CDH4: variants seen among roughly 807,000 people sequenced by gnomAD.
CDH4 encodes the protein cadherin 4, also known as cadherin-4.
Under a neutral mutation model 86.0 loss-of-function variants are expected in CDH4, and 33 were observed. The ratio of observed to expected loss-of-function variants is 0.38; its 90% confidence interval spans 0.29 to 0.51. CDH4 has a LOEUF of 0.51. CDH4 is among the 20% of genes least tolerant of loss of function. The probability of loss-of-function intolerance (pLI) is 0.86; values close to 1 mark genes in which losing one functional copy is unlikely to be tolerated. For missense variants in CDH4, 1,114 were observed against 1,307.4 expected, an observed-to-expected ratio of 0.85 and a Z score of 2.28; for synonymous variants, 555 against 549.4, an observed-to-expected ratio of 1.01 and a Z score of -0.14.
chr20:61,299,548 T>C (rs1205586421), intron 2 of CDH4, among the ~76,000 whole-genome samples: 1 of 152,240 alleles, frequency 6.6e-6, no homozygotes, highest in African/African-American at 2.4e-5. Context: ...CCTGACTTCT[T>C]AGTAACTCCC....
At chr20:61,570,430 C>T in intron 2 of CDH4, 1 of 506,952 alleles carries the variant, frequency 2.0e-6, no homozygotes, top group Non-Finnish European at 3.5e-6. Flanking sequence ...GCTTCAGCAG[C>T]CCTGGTGCTG....
chr20:61,313,574 C>T (rs1763444677), intron 2 of CDH4, among the ~76,000 whole-genome samples: 3 of 152,194 alleles, frequency 2.0e-5, no homozygotes, highest in Admixed American at 2.0e-4. Context: ...CAGACGGTTG[C>T]TTGCAGCCTG....
chr20:61,417,699 T>A lies in CDH4; in HGVS notation c.169+162762T>A, dbSNP rs2145497953. 6.6e-6 allele frequency among the ~76,000 whole-genome samples: 1 copy of A among 152,300 alleles called. No individual in the cohort carries two copies. The highest frequency in any genetic ancestry group is 1.9e-4 in the East Asian group (1 of 5,174). ...AACATGCATTTCTCCTGACTTGTATTACTCATTTTACGGCTGGAGACAGGT... is the reference window on the plus strand; with the variant it reads ...AACATGCATTTCTCCTGACTTGTATAACTCATTTTACGGCTGGAGACAGGT... On this transcript the variant is annotated intron_variant, in intron 2 of 15. Coordinates refer to ENST00000614565, the MANE Select transcript of CDH4 (RefSeq NM_001794.5). This position sits in a 1 kb window ranked among gnomAD's most constrained non-coding sequence, Gnocchi z 4.0.
intron 2 of CDH4, among the ~76,000 whole-genome samples, chr20:61,515,395 C>T (rs946297023): frequency 6.6e-6 from 1 of 152,244 alleles, no homozygotes; most frequent in Non-Finnish European, 1.5e-5. Context: ...CCTGCAAAGC[C>T]AGTGAGGACC....
At chr20:61,333,254 C>T (rs1425512300) in intron 2 of CDH4, among the ~76,000 whole-genome samples, 1 of 116,206 alleles carries the variant, frequency 8.6e-6, no homozygotes, top group African/African-American at 4.0e-5. Flanking sequence ...GGCACATGCA[C>T]ACACACATGT....
chr20:61,377,323 C>T lies in CDH4; in HGVS notation c.169+122386C>T, dbSNP rs541447266. 2.0e-5 allele frequency among the ~76,000 whole-genome samples: 3 copies of T among 152,138 alleles called. No individual in the cohort carries two copies. Among genetic ancestry groups the T allele is most frequent in the East Asian group, 1.9e-4 (1 of 5,194 alleles). On this transcript the variant is annotated intron_variant, in intron 2 of 15. Coordinates refer to ENST00000614565, the MANE Select transcript of CDH4 (RefSeq NM_001794.5). This position sits in a 1 kb window ranked among gnomAD's most constrained non-coding sequence, Gnocchi z 4.0. ...ACAGCCCGGGACTCCTGGGCCCTGA[C>T]GAATCCAAAGGGTCCCCATTCCATG... is the stretch of plus-strand genomic sequence containing the variant.
At chr20:61,570,689 A>C in intron 2 of CDH4, 1 of 702,388 alleles carries the variant, frequency 1.4e-6, no homozygotes. Context: ...GTTCCAGAGG[A>C]AAGCGATGCC....
chr20:61,273,453 G>A (rs1275044333), intron 2 of CDH4, among the ~76,000 whole-genome samples: 1 of 71,676 alleles, frequency 1.4e-5, no homozygotes, highest in Non-Finnish European at 2.9e-5. Context: ...GTGCAGTTTG[G>A]GGGAGGACCA....
chr20:61,697,289 ACAT>A (rs1209979393), intron 2 of CDH4, among the ~76,000 whole-genome samples: 1 of 152,158 alleles, frequency 6.6e-6, no homozygotes, highest in Non-Finnish European at 1.5e-5. Flanking sequence ...TAGGAAAAGA[ACAT>A]CAGATGGCAC....
At chr20:61,889,502 G>A (rs534410914) in intron 7 of CDH4, among the ~76,000 whole-genome samples, 1 of 150,730 alleles carries the variant, frequency 6.6e-6, no homozygotes, top group East Asian at 2.0e-4. Flanking sequence ...ATGATGGATG[G>A]ATGATGGATG....
At chr20:61,426,455 C>T (rs1390891809) in intron 2 of CDH4, among the ~76,000 whole-genome samples, 1 of 152,138 alleles carries the variant, frequency 6.6e-6, no homozygotes, top group Non-Finnish European at 1.5e-5. Context: ...TAGGGGTGTC[C>T]TGTGTGGAGG....
chr20:61,794,049 A>G (rs1382751069), intron 4 of CDH4, among the ~76,000 whole-genome samples: 5 of 147,698 alleles, frequency 3.4e-5, no homozygotes, highest in Non-Finnish European at 7.5e-5. Flanking sequence ...AGGCTGAGGC[A>G]GGAGAATGGC....
At chr20:61,450,289 G>A (rs1600689381) in intron 2 of CDH4, among the ~76,000 whole-genome samples, 2 of 152,298 alleles carry the variant, frequency 1.3e-5, no homozygotes, top group Admixed American at 1.3e-4. Context: ...TGAGACTAAA[G>A]GGAAATGATG....
At chr20:61,872,311 G>A (rs576795081) in intron 6 of CDH4, among the ~76,000 whole-genome samples, 6 of 152,334 alleles carry the variant, frequency 3.9e-5, no homozygotes, top group African/African-American at 1.4e-4. Context: ...AGGATGCACA[G>A]GGCCCCATGA....
At chr20:61,848,532 A>G (rs542940674) in intron 5 of CDH4, among the ~76,000 whole-genome samples, 1 of 151,418 alleles carries the variant, frequency 6.6e-6, no homozygotes, top group South Asian at 2.1e-4. Context: ...ATTGTATTGT[A>G]TTGTATTTTT....
chr20:61,883,148 C>G (rs1256254252), intron 7 of CDH4, among the ~76,000 whole-genome samples: 5 of 148,822 alleles, frequency 3.4e-5, no homozygotes, highest in South Asian at 2.1e-4. Context: ...CTGCTCCCCC[C>G]GCCTACAGCA....
At chr20:61,429,174 A>G (rs946773306) in intron 2 of CDH4, among the ~76,000 whole-genome samples, 1 of 152,182 alleles carries the variant, frequency 6.6e-6, no homozygotes, top group Non-Finnish European at 1.5e-5. Flanking sequence ...GTGCTCAGTA[A>G]AAATTAAGTC....
chr20:61,544,398 G>A lies in CDH4; in HGVS notation c.170-199165G>A, dbSNP rs2086062241. 2.6e-5 allele frequency among the ~76,000 whole-genome samples: 4 copies of A among 151,962 alleles called. No individual in the cohort carries two copies. The South Asian group carries it at 8.3e-4, about 32-fold the overall frequency. ...CCGACGTAGAAATCCAGCTTGCCCA[G>A]GAGAGAGGGGTGGGACTCCTGGTGT... On this transcript the variant is annotated intron_variant, in intron 2 of 15. Coordinates refer to ENST00000614565, the MANE Select transcript of CDH4 (RefSeq NM_001794.5). This position sits in a 1 kb window ranked among gnomAD's most constrained non-coding sequence, Gnocchi z 6.5.
chr20:61,341,033 C>T (rs911619215), intron 2 of CDH4, among the ~76,000 whole-genome samples: 1 of 152,196 alleles, frequency 6.6e-6, no homozygotes, highest in Non-Finnish European at 1.5e-5. Flanking sequence ...GTCCGCTACA[C>T]GAGGCCGCTT....
Sources: gnomAD v4.1 joint callset for allele counts (sites outside exome capture counted in the v4.1 genomes callset) on GRCh38, gnomAD v4.1.1 for gene constraint, Gnocchi (gnomAD v3.1) non-coding constraint, MANE v1.5 for transcripts, NCBI Gene and HGNC (gene_info 2026-07-23, HGNC 2026-07-21) for gene names.